Variants in CAMK1 observed in about 807,000 individuals in gnomAD.
CAMK1 encodes calcium/calmodulin dependent protein kinase I, also known as calcium/calmodulin-dependent protein kinase type 1.
Under a neutral mutation model 49.1 loss-of-function variants are expected in CAMK1, and 39 were observed. The ratio of observed to expected loss-of-function variants is 0.79; its 90% CI spans 0.62 to 1.04. CAMK1 has a LOEUF of 1.04. CAMK1 is among the 50% of genes least tolerant of loss of function. The pLI is 0.00. For synonymous variants in CAMK1, 192 were observed against 185.2 expected, an observed-to-expected ratio of 1.04 and a Z score of -0.30; for missense variants, 457 against 472.2, an observed-to-expected ratio of 0.97 and a Z score of 0.30.
Position 9,757,609 on chromosome 3 carries a change from C to T in CAMK1, c.1043G>A (p.Gly348Asp). 1 of 1,614,178 alleles carries T rather than the reference C, an allele frequency of 6.2e-7. No homozygotes were observed. The highest frequency in any genetic ancestry group is 8.5e-7 in the Non-Finnish European group (1 of 1,180,042). The change falls in exon 12 of 12, where the codon GGC becomes GAC. Residue 348 changes from glycine to aspartate, a missense_variant. Coordinates refer to ENST00000256460, the MANE Select transcript of CAMK1 (RefSeq NM_003656.5). The surrounding 1 kb of genome is among the most constrained non-coding windows in gnomAD (Gnocchi z 4.5). The part of the protein sequence containing the change: ...LTPVAGGPAA[G>D]CCCRDCCVEP... ...CACGCAGCAGTCTCGACAGCAACAGCCAGCTGCCGGCCCTGCATGGGAAGA... is the reference window on the plus strand; with the variant it reads ...CACGCAGCAGTCTCGACAGCAACAGTCAGCTGCCGGCCCTGCATGGGAAGA...
rs772792286 is a variant in CAMK1 at position 9,767,766 on chromosome 3, A to G, written c.-17T>C. Reference sequence around the variant, plus strand: ...CCCCAGCATGGCCCACTGCCCCCCGACCACAGCCAGGGCTCCTGTAAGGAG... The same window carrying G: ...CCCCAGCATGGCCCACTGCCCCCCGGCCACAGCCAGGGCTCCTGTAAGGAG... On this transcript the variant is annotated 5_prime_UTR_variant, in exon 2 of 12. Coordinates refer to ENST00000256460, the MANE Select transcript of CAMK1 (RefSeq NM_003656.5). 6.2e-7 allele frequency: 1 copy of G among 1,613,560 alleles called. No homozygotes were observed.
intron 2 of CAMK1, chr3:9,766,199 C>A: frequency 2.6e-6 from 2 of 775,862 alleles, no homozygotes; most frequent in Non-Finnish European, 4.5e-6. Flanking sequence ...ATCTTTGCCA[C>A]CACCTGGGGA....
At chr3:9,759,207 T>C in intron 10 of CAMK1, 4 of 1,613,782 alleles carry the variant, frequency 2.5e-6, no homozygotes, top group Non-Finnish European at 3.4e-6. Context: ...TCATCACCAC[T>C]TTTATGACCT....
chr3:9,759,622 C>G, intron 9 of CAMK1, 47 bp from the exon 10 acceptor site: 3 of 1,614,100 alleles, frequency 1.9e-6, no homozygotes, highest in Non-Finnish European at 2.5e-6. Flanking sequence ...CAGAAGCAGA[C>G]CTGAGGGCCC....
At chr3:9,759,364 G>C (rs1360942573) in intron 10 of CAMK1, 124 bp downstream of exon 10, 11 of 1,539,822 alleles carry the variant, frequency 7.1e-6, no homozygotes, top group Non-Finnish European at 9.0e-6. Flanking sequence ...AAGTCCTTCA[G>C]TAAGGATCCC....
intron 10 of CAMK1, chr3:9,758,294 A>G (rs1456811514): frequency 6.4e-6 from 1 of 156,252 alleles, no homozygotes; most frequent in African/African-American, 2.4e-5. Context: ...TGTCCCACAC[A>G]CCCCTCAAAT....
Position 9,757,349 on chromosome 3 carries a change from G to C in CAMK1, c.*190C>G. ...ATTGAGGGAGACAGCGCTAAGGATG[G>C]TTTTATCTTCCCTTTATTACAAGAA... On this transcript the variant is annotated 3_prime_UTR_variant, in exon 12 of 12. Coordinates refer to ENST00000256460, the MANE Select transcript of CAMK1 (RefSeq NM_003656.5). This position sits in a 1 kb window ranked among gnomAD's most constrained non-coding sequence, Gnocchi z 4.5. 6.2e-7 allele frequency: 1 copy of C among 1,614,092 alleles called. No homozygotes were observed. Among genetic ancestry groups the C allele is most frequent in the Non-Finnish European group, 8.5e-7 (1 of 1,180,002 alleles).
intron 3 of CAMK1, among the ~76,000 whole-genome samples, chr3:9,765,557 G>A (rs1169060147): frequency 6.6e-6 from 1 of 152,178 alleles, no homozygotes; most frequent in Non-Finnish European, 1.5e-5. Context: ...CATCACATCT[G>A]TCATGTTAGG....
Position 9,767,671 on chromosome 3 carries a change from C to T in CAMK1, c.79G>A (p.Gly27Ser), listed in dbSNP as rs2078191076. The change falls in exon 2 of 12, where the codon GGC becomes AGC. Residue 27 changes from glycine to serine, a missense_variant. Transcript: ENST00000256460. ...RDIYDFRDVLGTGAFSEVILA... is the reference protein window; with the variant it reads ...RDIYDFRDVLSTGAFSEVILA... Reference sequence around the variant, plus strand: ...CCAATCCTGCCCTGGACTCACGTGCCCAGAACATCTCGGAAGTCGTAGATG... The same window carrying T: ...CCAATCCTGCCCTGGACTCACGTGCTCAGAACATCTCGGAAGTCGTAGATG... 1.2e-6 allele frequency: 2 copies of T among 1,613,988 alleles called. No homozygotes were observed. Among genetic ancestry groups the T allele is most frequent in the Non-Finnish European group, 8.5e-7 (1 of 1,180,038 alleles).
Position 9,757,858 on chromosome 3 carries a change from G to A in CAMK1, c.913-12C>T, listed in dbSNP as rs764657198. On this transcript the variant is annotated splice_polypyrimidine_tract_variant and intron_variant, in intron 10 of 11. Transcript: ENST00000256460. The surrounding 1 kb of genome is among the most constrained non-coding windows in gnomAD (Gnocchi z 4.5). The stretch of plus-strand genomic sequence containing the variant: ...GCATTGAAGGCTTGCTGGCATTGAA[G>A]GCATTGAAGGGAGAGGGGAGAAAGG... 2 of 1,595,314 alleles carry A rather than the reference G, an allele frequency of 1.3e-6. No individual in the cohort carries two copies. Among genetic ancestry groups the A allele is most frequent in the Admixed American group, 1.7e-5 (1 of 59,352 alleles).
At chr3:9,762,828 G>T in intron 5 of CAMK1, 86 bp downstream of exon 5, 2 of 1,377,102 alleles carry the variant, frequency 1.5e-6, no homozygotes, top group Non-Finnish European at 2.0e-6. Flanking sequence ...GTGAGGGGGT[G>T]AAAGTTGCCC....
intron 2 of CAMK1, 152 bp downstream of exon 2, chr3:9,767,515 G>T: frequency 1.1e-6 from 1 of 898,636 alleles, no homozygotes; most frequent in Non-Finnish European, 1.7e-6. Context: ...CTGTCATCCA[G>T]AAGTGAAAAG....
chr3:9,766,125 T>C, intron 2 of CAMK1: 1 of 1,239,496 alleles, frequency 8.1e-7, no homozygotes, highest in South Asian at 1.3e-5. Flanking sequence ...GCCAGCTTAC[T>C]AGCACTTTGA....
At position 9,767,447 on chromosome 3, in the gene CAMK1, C is replaced by T. The variant is rs181968036; in HGVS notation, c.83+220G>A. Among the ~76,000 whole-genome samples, 452 of 152,334 alleles carry T rather than the reference C, an allele frequency of 3.0e-3. 5 individuals carry two copies. The highest frequency in any genetic ancestry group is 0.01 in the African/African-American group (424 of 41,566). On this transcript the variant is annotated intron_variant, in intron 2 of 11. Transcript: ENST00000256460. ...GGACTGACTGGCACCTTCATTCTCT[C>T]GACTTCTTTCTCTTCAAGAACCCAG...
Position 9,761,640 on chromosome 3 carries a change from C to G in CAMK1, c.547G>C (p.Gly183Arg), listed in dbSNP as rs1254882423. ...CCAGGGCCCTCCGCACCCACGTATC[C>G]CGGAGTTCCACAGGCGGTGGAGAGC... ...SVLSTACGTP[G>R]YVAPEVLAQK... Residue 183 changes from glycine (G) to arginine (R), a missense_variant, in exon 6 of 12, where the codon GGA becomes CGA. Physicochemically the swap from Gly to Arg is moderately radical, Grantham distance 125 (BLOSUM62 -2). Transcript: ENST00000256460. The G allele has an allele frequency of 6.2e-7, 1 of 1,614,042 alleles. No individual in the cohort carries two copies. The highest frequency in any genetic ancestry group is 8.5e-7 in the Non-Finnish European group (1 of 1,180,014).
intron 1 of CAMK1, among the ~76,000 whole-genome samples, chr3:9,769,057 T>A (rs2078234562): frequency 6.6e-6 from 1 of 151,936 alleles, no homozygotes; most frequent in Non-Finnish European, 1.5e-5. Context: ...CAGTACGCCT[T>A]GTATCCACAT....
intron 2 of CAMK1, chr3:9,766,115 G>A: frequency 7.6e-7 from 1 of 1,313,438 alleles, no homozygotes; most frequent in Non-Finnish European, 1.1e-6. Flanking sequence ...TGTGATGCAA[G>A]CCAGCTTACT....
At chr3:9,765,118 T>C (rs1046211275) in intron 3 of CAMK1, among the ~76,000 whole-genome samples, 2 of 150,982 alleles carry the variant, frequency 1.3e-5, no homozygotes, top group African/African-American at 2.4e-5. Flanking sequence ...TCCCAGCTAC[T>C]AGGGAGGCTG....
Position 9,763,015 on chromosome 3 carries a change from T to C in CAMK1, c.328A>G (p.Lys110Glu), listed in dbSNP as rs1247530400. Residue 110 changes from lysine (K) to glutamate (E), a missense_variant, in exon 5 of 12, where the codon AAA becomes GAA. Transcript: ENST00000256460. ...GGELFDRIVE[K>E]GFYTERDASR... Reference sequence around the variant, plus strand: ...GCGTCCCGCTCCGTGTAGAAGCCTTTTTCCACAATACGGTCAAAGAGCTCC... The same window carrying C: ...GCGTCCCGCTCCGTGTAGAAGCCTTCTTCCACAATACGGTCAAAGAGCTCC... The C allele has an allele frequency of 1.2e-6, 2 of 1,614,122 alleles. No individual in the cohort carries two copies. Among genetic ancestry groups the C allele is most frequent in the East Asian group, 4.5e-5 (2 of 44,868 alleles).
Sources: gnomAD v4.1 joint callset for allele counts (sites outside exome capture counted in the v4.1 genomes callset) on GRCh38, gnomAD v4.1.1 for gene constraint, Gnocchi (gnomAD v3.1) non-coding constraint, MANE v1.5 for transcripts, NCBI Gene and HGNC (gene_info 2026-07-23, HGNC 2026-07-21) for gene names.